FBXO7: variants seen among roughly 807,000 people sequenced by gnomAD.
FBXO7 encodes the protein F-box only protein 7.
A neutral mutation model predicts 50.2 loss-of-function variants in FBXO7; 31 were observed. The ratio of observed to expected loss-of-function variants is 0.62; its 90% CI spans 0.46 to 0.83. The LOEUF is 0.83. Among genes scored for constraint, FBXO7 ranks in the 40% least tolerant of loss-of-function variants. The pLI is 0.00. For synonymous variants in FBXO7, 256 were observed against 253.1 expected (o/e 1.01, Z -0.11); for missense variants, 667 against 646.6 (o/e 1.03, Z -0.34).
At chr22:32,487,665 A>G in intron 4 of FBXO7, 80 bp from the exon 5 acceptor site, 2 of 858,156 alleles carry the variant, frequency 2.3e-6, no homozygotes, top group East Asian at 5.2e-5. Context: ...GGAGCTAGGA[A>G]ATGCAAGCCC....
Position 32,498,223 on chromosome 22 carries a change from C to A in FBXO7, c.1262C>A (p.Thr421Asn). The A allele has an allele frequency of 6.2e-7, 1 of 1,614,222 alleles. No homozygotes were observed. Among genetic ancestry groups the A allele is most frequent in the Non-Finnish European group, 8.5e-7 (1 of 1,180,024 alleles). Reference protein sequence around the residue: ...FVMLLPSSTHTIPFYPNPLHP... With the variant: ...FVMLLPSSTHNIPFYPNPLHP... The stretch of plus-strand genomic sequence containing the variant: ...ATGCTCCTGCCATCGTCAACTCACA[C>A]CATTCCATTCTATCCCAACCCCTTG... Residue 421 changes from threonine (T) to asparagine (N), a missense_variant, in exon 9 of 9, where the codon ACC becomes AAC. By Grantham distance (65) the Thr-to-Asn change is moderately conservative. Transcript: ENST00000266087.
intron 1 of FBXO7, chr22:32,475,381 G>A (rs749606986): frequency 2.5e-6 from 4 of 1,611,578 alleles, no homozygotes; most frequent in Non-Finnish European, 3.4e-6. Context: ...CCTCCCGGGG[G>A]CTCTGGTCCC....
chr22:32,478,873 A>C (rs1156403431), intron 1 of FBXO7, 108 bp from the exon 2 acceptor site: 6 of 1,085,088 alleles, frequency 5.5e-6, no homozygotes, highest in African/African-American at 1.5e-5. Context: ...TCTCTTCATC[A>C]CTTAGTTCTT....
Position 32,474,984 on chromosome 22 carries a change from C to G in FBXO7, c.-19C>G. 6.5e-7 allele frequency: 1 copy of G among 1,530,606 alleles called. No homozygotes were observed. The highest frequency in any genetic ancestry group is 8.7e-7 in the Non-Finnish European group (1 of 1,143,172). The allele number at this position is 1,530,606 out of a possible 1,614,324, so 94.8% of individuals were successfully genotyped here. The stretch of plus-strand genomic sequence containing the variant: ...TCGCCGCTTCCGGGTCCAGGCCCCT[C>G]GGGCCGCCTGCCGCCGTCATGAGGC... On this transcript the variant is annotated 5_prime_UTR_variant, in exon 1 of 9. Coordinates refer to ENST00000266087, the MANE Select transcript of FBXO7 (RefSeq NM_012179.4).
At chr22:32,493,009 T>G (rs2057547246) in intron 6 of FBXO7, 96 bp from the exon 7 acceptor site, 4 of 1,215,132 alleles carry the variant, frequency 3.3e-6, no homozygotes, top group African/African-American at 3.0e-5. Context: ...TTCTGTCACT[T>G]TAGAAAGGAA....
At chr22:32,488,661 G>A (rs1568976595) in intron 5 of FBXO7, 1 of 152,214 alleles carries the variant, frequency 6.6e-6, no homozygotes, top group African/African-American at 2.4e-5. Flanking sequence ...TTGCTTTGAA[G>A]GCCTAAAGGC....
chr22:32,479,421 C>CA (rs1885444803), intron 2 of FBXO7, 146 bp downstream of exon 2: 1 of 655,948 alleles, frequency 1.5e-6, no homozygotes, highest in East Asian at 3.0e-5. Context: ...TTTTTTGAGA[C>CA]AGAGTCTCAC....
chr22:32,486,615 G>T (rs1601510385), intron 4 of FBXO7, among the ~76,000 whole-genome samples: 1 of 152,260 alleles, frequency 6.6e-6, no homozygotes, highest in South Asian at 2.1e-4. Context: ...GGGATTACAG[G>T]TGTGAACCAT....
intron 1 of FBXO7, among the ~76,000 whole-genome samples, 173 bp from the exon 2 acceptor site, chr22:32,478,808 G>A (rs1341558132): frequency 6.6e-6 from 1 of 152,172 alleles, no homozygotes; most frequent in African/African-American, 2.4e-5. Context: ...TGAGGCAGGA[G>A]GATTGCTTGA....
chr22:32,481,790 A>C (rs925809122), intron 2 of FBXO7, among the ~76,000 whole-genome samples: 1 of 152,192 alleles, frequency 6.6e-6, no homozygotes, highest in Non-Finnish European at 1.5e-5. Context: ...ATCAGAACCT[A>C]ATATTAGCTC....
At chr22:32,485,755 G>A (rs1266415344) in intron 4 of FBXO7, among the ~76,000 whole-genome samples, 1 of 152,072 alleles carries the variant, frequency 6.6e-6, no homozygotes, top group African/African-American at 2.4e-5. Context: ...ATGTCACTCT[G>A]TATGAATAAC....
In FBXO7 at chr22:32,495,498, A is replaced by C; in HGVS notation, c.1150A>C (p.Thr384Pro). Residue 384 changes from threonine to proline, a missense_variant, in exon 8 of 9, where the codon ACT becomes CCT. Transcript: ENST00000266087. ...TTTTCCCTTTTCCTTTGTAGACAAT[A>C]CTGTCAGAGTTCAAGACACAGATTG... ...FLYLRDFRDN[T>P]VRVQDTDWKE... The C allele has an allele frequency of 6.3e-7, 1 of 1,575,136 alleles. No homozygotes were observed. Among genetic ancestry groups the C allele is most frequent in the Middle Eastern group, 1.7e-4 (1 of 5,974 alleles).
chr22:32,476,822 ACTC>A (rs1365615823), intron 1 of FBXO7, among the ~76,000 whole-genome samples: 1 of 152,142 alleles, frequency 6.6e-6, no homozygotes, highest in Non-Finnish European at 1.5e-5. Context: ...GGAATTAAAT[ACTC>A]CTCTTAACGC....
chr22:32,475,810 AC>A, intron 1 of FBXO7: 1 of 165,872 alleles, frequency 6.0e-6, no homozygotes, highest in Non-Finnish European at 1.3e-5. Context: ...ACTGAGGCAA[AC>A]GTTGATCTTG....
At chr22:32,475,287 C>T (rs560130927) in intron 1 of FBXO7, 163 bp downstream of exon 1, 10 of 1,594,156 alleles carry the variant, frequency 6.3e-6, no homozygotes, top group Non-Finnish European at 7.7e-6. Context: ...CCGGGCTCTT[C>T]CGGGCGTCGC....
chr22:32,476,877 T>G (rs1338479559), intron 1 of FBXO7, among the ~76,000 whole-genome samples: 3 of 152,194 alleles, frequency 2.0e-5, no homozygotes. Context: ...ATATATTACT[T>G]TAGAAATAGC....
At chr22:32,475,297 C>T in intron 1 of FBXO7, 173 bp downstream of exon 1, 6 of 1,597,824 alleles carry the variant, frequency 3.8e-6, no homozygotes, top group Non-Finnish European at 5.1e-6. Flanking sequence ...CCGGGCGTCG[C>T]GGAGCCGGAG....
rs1200157235 is a variant in FBXO7 at position 32,475,088 on chromosome 22, A to C, written c.86A>C (p.His29Pro). 6.5e-7 allele frequency: 1 copy of C among 1,546,180 alleles called. No homozygotes were observed. Among genetic ancestry groups the C allele is most frequent in the Non-Finnish European group, 8.7e-7 (1 of 1,145,946 alleles). Reference sequence around the variant, plus strand: ...CCGACGCTGGGGCATTTGCGCTCGCACCTGAGGCAGTCCCTGCTGTGCACC... The same window carrying C: ...CCGACGCTGGGGCATTTGCGCTCGCCCCTGAGGCAGTCCCTGCTGTGCACC... ...TEPTLGHLRSHLRQSLLCTWG... is the reference protein window; with the variant it reads ...TEPTLGHLRSPLRQSLLCTWG... The change falls in exon 1 of 9, where the codon CAC becomes CCC. Residue 29 changes from histidine (H) to proline (P), a missense_variant. Transcript: ENST00000266087.
intron 1 of FBXO7, among the ~76,000 whole-genome samples, chr22:32,478,739 A>C (rs1225922690): frequency 6.6e-6 from 1 of 152,022 alleles, no homozygotes; most frequent in African/African-American, 2.4e-5. Flanking sequence ...ACGAAAACAA[A>C]AACAAAAATG....
Sources: allele counts gnomAD v4.1 joint callset (sites outside exome capture counted in the v4.1 genomes callset), GRCh38; gene constraint gnomAD v4.1.1; transcripts MANE v1.5; gene names NCBI Gene and HGNC (gene_info 2026-07-23, HGNC 2026-07-21).